Variants in CSMD1 observed in about 807,000 individuals in gnomAD.
CSMD1 encodes the protein CUB and Sushi multiple domains 1.
CSMD1 carries 213 observed loss-of-function variants against 417.5 expected under a neutral mutation model. The ratio of observed to expected loss-of-function variants is 0.51; its 90% CI spans 0.46 to 0.57. The LOEUF (loss-of-function observed/expected upper bound fraction) is 0.57. CSMD1 is among the 20% of genes least tolerant of loss of function. CSMD1 has a pLI of 0.00. For missense variants in CSMD1, 6,923 were observed against 4,529.7 expected, an observed-to-expected ratio of 1.53 and a Z score of -15.17; for synonymous variants, 2,862 against 1,736.8, an observed-to-expected ratio of 1.65 and a Z score of -16.11.
At chr8:3,565,705 G>T (rs1439120434) in intron 10 of CSMD1, among the ~76,000 whole-genome samples, 1 of 152,266 alleles carries the variant, frequency 6.6e-6, no homozygotes, top group Non-Finnish European at 1.5e-5. Context: ...CAAGCATTAA[G>T]TTTAAAGCAA....
At chr8:3,100,771 A>G (rs1815678320) in intron 46 of CSMD1, among the ~76,000 whole-genome samples, 1 of 152,216 alleles carries the variant, frequency 6.6e-6, no homozygotes, top group Non-Finnish European at 1.5e-5. Context: ...ATAGCAGATG[A>G]GGATTAGTAC....
chr8:3,745,464 C>T (rs1056004459), intron 6 of CSMD1, among the ~76,000 whole-genome samples: 4 of 152,220 alleles, frequency 2.6e-5, no homozygotes, highest in Admixed American at 2.0e-4. Flanking sequence ...TTGACGTAAT[C>T]TGAGACAGTC....
intron 5 of CSMD1, among the ~76,000 whole-genome samples, chr8:3,765,164 C>G (rs1342829817): frequency 6.6e-6 from 1 of 152,178 alleles, no homozygotes; most frequent in Non-Finnish European, 1.5e-5. Flanking sequence ...AGCCTCATTT[C>G]TTATCACGCC....
At chr8:4,370,182 C>A (rs1802316975) in intron 3 of CSMD1, among the ~76,000 whole-genome samples, 1 of 152,054 alleles carries the variant, frequency 6.6e-6, no homozygotes, top group African/African-American at 2.4e-5. Flanking sequence ...AAAAGAATTT[C>A]ATTTCTCCTT....
chr8:4,199,342 A>T (rs1799519119), intron 3 of CSMD1, among the ~76,000 whole-genome samples: 1 of 152,136 alleles, frequency 6.6e-6, no homozygotes, highest in South Asian at 2.1e-4. Flanking sequence ...TCTGAAGTCT[A>T]CCTCTAAAGC....
At chr8:3,168,574 T>G (rs985656050) in intron 37 of CSMD1, among the ~76,000 whole-genome samples, 2 of 151,914 alleles carry the variant, frequency 1.3e-5, no homozygotes, top group African/African-American at 2.4e-5. Flanking sequence ...GCTATAAATG[T>G]GGACCTCTGC....
In CSMD1 at chr8:4,484,980, CAAAAAAAAAAAAAAAAAAAAAAAAAA is replaced by C. The variant is rs57398278; in HGVS notation, c.303-64941_303-64916del. 5.1e-3 allele frequency among the ~76,000 whole-genome samples: 275 copies of C among 53,950 alleles called. 2 individuals are homozygous for C. The highest frequency in any genetic ancestry group is 0.018 in the African/African-American group (240 of 13,240). 35.4% of individuals were successfully genotyped at this position (53,950 alleles called of 152,430 possible). A position where few individuals can be genotyped will look rare whatever the true frequency, so the allele number is the denominator to read the frequency against. ...TGGTTGACAGAGTGAGACTCTGCCT[CAAAAAAAAAAAAAAAAAAAAAAAAAA>C]AAAAAAAAAAAAAAGAAAGAGTCAC... is the stretch of plus-strand genomic sequence containing the variant. On this transcript the variant is annotated intron_variant, in intron 2 of 69. Coordinates refer to ENST00000635120, the MANE Select transcript of CSMD1 (RefSeq NM_033225.6).
At chr8:3,552,902 A>G (rs1468425354) in intron 10 of CSMD1, among the ~76,000 whole-genome samples, 1 of 152,192 alleles carries the variant, frequency 6.6e-6, no homozygotes, top group African/African-American at 2.4e-5. Flanking sequence ...CACTTTCTTG[A>G]TAATTAATGG....
intron 7 of CSMD1, among the ~76,000 whole-genome samples, chr8:3,635,095 G>C (rs1022069865): frequency 1.3e-5 from 2 of 152,098 alleles, no homozygotes; most frequent in Non-Finnish European, 2.9e-5. Context: ...TATAAACAGA[G>C]CTTGTGGGCC....
intron 3 of CSMD1, among the ~76,000 whole-genome samples, chr8:4,212,249 T>C (rs1479409883): frequency 6.6e-6 from 1 of 151,580 alleles, no homozygotes; most frequent in Non-Finnish European, 1.5e-5. Flanking sequence ...TTTTGCATCC[T>C]TTAACTGACT....
At chr8:3,900,705 G>C (rs1237066340) in intron 5 of CSMD1, among the ~76,000 whole-genome samples, 1 of 151,908 alleles carries the variant, frequency 6.6e-6, no homozygotes, top group African/African-American at 2.4e-5. Context: ...CCTGAAGCTG[G>C]ATGACTGTGT....
At chr8:3,224,007 A>G (rs746452988) in intron 27 of CSMD1, 140 bp from the exon 28 acceptor site, 44 of 698,920 alleles carry the variant, frequency 6.3e-5, no homozygotes, top group Non-Finnish European at 9.3e-5. Flanking sequence ...TGTGTTGGTT[A>G]TCAATTATCC....
At chr8:4,270,731 A>G (rs1045021968) in intron 3 of CSMD1, among the ~76,000 whole-genome samples, 1 of 152,180 alleles carries the variant, frequency 6.6e-6, no homozygotes, top group Non-Finnish European at 1.5e-5. Context: ...AAATAGAAAT[A>G]TTGTGTTTGA....
intron 5 of CSMD1, among the ~76,000 whole-genome samples, chr8:3,932,414 C>T (rs1810213800): frequency 6.6e-6 from 1 of 150,402 alleles, no homozygotes; most frequent in Non-Finnish European, 1.5e-5. Context: ...TCTGCATTGA[C>T]ATTTCTCATG....
At chr8:4,104,438 G>GCACACA (rs58522554) in intron 3 of CSMD1, among the ~76,000 whole-genome samples, 5,257 of 151,438 alleles carry the variant, frequency 0.035, 303 homozygotes, top group African/African-American at 0.12. Context: ...GCACACGCAT[G>GCACACA]CACACACACA....
chr8:3,785,398 G>C (rs1002538391), intron 5 of CSMD1, among the ~76,000 whole-genome samples: 6 of 152,192 alleles, frequency 3.9e-5, no homozygotes, highest in Non-Finnish European at 7.3e-5. Flanking sequence ...TCAAGGGTCT[G>C]TTCTGGTGAG....
At chr8:4,452,161 C>T (rs1341939117) in intron 2 of CSMD1, among the ~76,000 whole-genome samples, 2 of 152,040 alleles carry the variant, frequency 1.3e-5, no homozygotes, top group Non-Finnish European at 2.9e-5. Flanking sequence ...TGGGAGTTTC[C>T]ATGCCTCTTC....
chr8:3,950,725 G>C (rs1811545132), intron 5 of CSMD1, among the ~76,000 whole-genome samples: 1 of 140,932 alleles, frequency 7.1e-6, no homozygotes, highest in African/African-American at 2.7e-5. Context: ...TCCTCAAAAT[G>C]TAATTGGGGT....
At chr8:3,744,902 T>G (rs1375946024) in intron 6 of CSMD1, among the ~76,000 whole-genome samples, 1 of 152,106 alleles carries the variant, frequency 6.6e-6, no homozygotes, top group East Asian at 1.9e-4. Flanking sequence ...GCTGAGCGCT[T>G]TAGTTGAGTG....
Sources: gnomAD v4.1 joint callset for allele counts (sites outside exome capture counted in the v4.1 genomes callset) on GRCh38, gnomAD v4.1.1 for gene constraint, MANE v1.5 for transcripts, NCBI Gene and HGNC (gene_info 2026-07-23, HGNC 2026-07-21) for gene names.